CDH8: variants seen among roughly 807,000 people sequenced by gnomAD.
CDH8 encodes cadherin 8, also known as cadherin-8.
In CDH8, 17 loss-of-function variants were observed where a neutral mutation model predicts 68.1. The observed-to-expected ratio is 0.25, with a 90% confidence interval of 0.17 to 0.37. CDH8 has a LOEUF of 0.37. Ranked by LOEUF, CDH8 falls within the 10% of genes least tolerant of loss-of-function variation. The pLI is 1.00. For missense variants in CDH8, 763 were observed against 999.3 expected, an observed-to-expected ratio of 0.76 and a Z score of 3.19; for synonymous variants, 372 against 365.1, an observed-to-expected ratio of 1.02 and a Z score of -0.21.
At chr16:61,726,745 C>T (rs935914350) in intron 9 of CDH8, 13 of 349,950 alleles carry the variant, frequency 3.7e-5, no homozygotes, top group Non-Finnish European at 6.2e-5. Flanking sequence ...CTCCTCTCCA[C>T]GAGGTTTTAC....
rs2142733437 is a variant in CDH8 at position 61,652,922 on chromosome 16, G to A, written c.*686C>T. On this transcript the variant is annotated 3_prime_UTR_variant, in exon 12 of 12. Transcript: ENST00000577390. ...TTCTAGAAAACAAGCATGTTTGAAT[G>A]GGATTTCTCTCCTCCCACCACTGAA... The A allele has an allele frequency of 6.6e-7, 1 of 1,526,716 alleles. No homozygotes were observed. Among genetic ancestry groups the A allele is most frequent in the Non-Finnish European group, 8.8e-7 (1 of 1,142,506 alleles). 94.6% of individuals were successfully genotyped at this position (1,526,716 alleles called of 1,614,324 possible). A position where few individuals can be genotyped will look rare whatever the true frequency, so the allele number is the denominator to read the frequency against.
At chr16:61,767,806 T>C (rs186833906) in intron 8 of CDH8, among the ~76,000 whole-genome samples, 153 of 152,050 alleles carry the variant, frequency 1.0e-3, no homozygotes, top group African/African-American at 3.5e-3. Context: ...ATTTGTTAAG[T>C]TACAATAAAA....
rs564058774 is a variant in CDH8 at position 62,010,276 on chromosome 16, C to T, written c.252+10876G>A. Among the ~76,000 whole-genome samples the T allele has an allele frequency of 3.3e-5, 5 of 152,328 alleles. No homozygotes were observed. The East Asian group carries it at 9.7e-4, about 29-fold the overall frequency. ...TTTACATTCTCATTATGAGACCATA[C>T]CTTTGTTTCCTTCCATAATCTCACT... is the stretch of plus-strand genomic sequence containing the variant. On this transcript the variant is annotated intron_variant, in intron 2 of 11. Coordinates refer to ENST00000577390, the MANE Select transcript of CDH8 (RefSeq NM_001796.5).
At chr16:61,923,426 T>C (rs1964405582) in intron 2 of CDH8, among the ~76,000 whole-genome samples, 1 of 151,984 alleles carries the variant, frequency 6.6e-6, no homozygotes, top group African/African-American at 2.4e-5. Flanking sequence ...TAATAACCAA[T>C]ACAAGTAGCA....
intron 10 of CDH8, among the ~76,000 whole-genome samples, chr16:61,681,308 A>G (rs1964008414): frequency 6.6e-6 from 1 of 151,928 alleles, no homozygotes; most frequent in African/African-American, 2.4e-5. Context: ...TAAACAAAAC[A>G]TAGCCTATCC....
At chr16:61,891,820 A>G (rs570960952) in intron 3 of CDH8, among the ~76,000 whole-genome samples, 22 of 152,312 alleles carry the variant, frequency 1.4e-4, no homozygotes, top group Admixed American at 1.3e-3. Flanking sequence ...TGAATGAAAC[A>G]AGAAAAAATA....
At chr16:61,869,671 T>A (rs528183676) in intron 3 of CDH8, among the ~76,000 whole-genome samples, 1 of 152,168 alleles carries the variant, frequency 6.6e-6, no homozygotes, top group Non-Finnish European at 1.5e-5. Flanking sequence ...TTTTTAAAAT[T>A]TCTTTAAATT....
chr16:61,665,594 A>C (rs1215565404), intron 10 of CDH8, among the ~76,000 whole-genome samples: 1 of 151,962 alleles, frequency 6.6e-6, no homozygotes, highest in Non-Finnish European at 1.5e-5. Flanking sequence ...TGGGTGCAGC[A>C]AACCACCATG....
intron 2 of CDH8, among the ~76,000 whole-genome samples, chr16:61,959,730 A>C (rs1191417420): frequency 1.3e-5 from 2 of 150,834 alleles, no homozygotes; most frequent in Non-Finnish European, 3.0e-5. Context: ...ATATATACAC[A>C]CACATATGTA....
intron 4 of CDH8, among the ~76,000 whole-genome samples, chr16:61,840,635 C>G (rs1319435216): frequency 6.6e-6 from 1 of 152,026 alleles, no homozygotes; most frequent in Non-Finnish European, 1.5e-5. Flanking sequence ...ATGGATGGAG[C>G]CAGAAGACAT....
intron 10 of CDH8, among the ~76,000 whole-genome samples, chr16:61,710,341 A>G (rs1964608314): frequency 6.6e-6 from 1 of 152,134 alleles, no homozygotes; most frequent in Admixed American, 6.6e-5. Flanking sequence ...CTATCAGACA[A>G]TGCATAAATT....
intron 2 of CDH8, among the ~76,000 whole-genome samples, chr16:61,982,904 AAGGAATT>A: frequency 6.6e-6 from 1 of 152,346 alleles, no homozygotes; most frequent in South Asian, 2.1e-4. Context: ...TATTTTTATA[AAGGAATT>A]TATATACTGC....
At chr16:62,027,176 T>A (rs956176795) in intron 1 of CDH8, among the ~76,000 whole-genome samples, 2 of 152,192 alleles carry the variant, frequency 1.3e-5, no homozygotes, top group Non-Finnish European at 1.5e-5. Context: ...GTCTTTAGAA[T>A]TCCCCCATAT....
intron 8 of CDH8, among the ~76,000 whole-genome samples, chr16:61,787,373 A>G (rs1381285103): frequency 6.8e-6 from 1 of 146,502 alleles, no homozygotes; most frequent in East Asian, 2.0e-4. Context: ...GAGAAATGCA[A>G]ATCAAAACCA....
intron 8 of CDH8, among the ~76,000 whole-genome samples, chr16:61,742,399 T>C (rs192506177): frequency 6.6e-6 from 1 of 152,226 alleles, no homozygotes; most frequent in East Asian, 1.9e-4. Flanking sequence ...AAACTAGCAA[T>C]GGTAGACAAC....
At chr16:61,711,153 C>T (rs1272961524) in intron 10 of CDH8, among the ~76,000 whole-genome samples, 1 of 151,832 alleles carries the variant, frequency 6.6e-6, no homozygotes, top group Non-Finnish European at 1.5e-5. Context: ...AATAATTCAA[C>T]TGTGTAGGAG....
intron 10 of CDH8, among the ~76,000 whole-genome samples, chr16:61,710,228 C>T (rs1596887782): frequency 1.3e-5 from 2 of 151,984 alleles, no homozygotes; most frequent in Non-Finnish European, 2.9e-5. Context: ...AAAACTGAGG[C>T]TTAAAATGAT....
At chr16:61,687,411 T>C (rs1321036512) in intron 10 of CDH8, among the ~76,000 whole-genome samples, 3 of 152,010 alleles carry the variant, frequency 2.0e-5, no homozygotes, top group South Asian at 4.1e-4. Flanking sequence ...GAGGCTCAGA[T>C]AGTCTAACTA....
intron 2 of CDH8, among the ~76,000 whole-genome samples, chr16:61,949,660 T>C (rs13338096): frequency 0.44 from 66,598 of 151,534 alleles, 15,331 homozygotes; most frequent in African/African-American, 0.57. Flanking sequence ...ATTAATACCT[T>C]ATAGGATATG....
Sources: allele counts gnomAD v4.1 joint callset (sites outside exome capture counted in the v4.1 genomes callset), GRCh38; gene constraint gnomAD v4.1.1; transcripts MANE v1.5; gene names NCBI Gene and HGNC (gene_info 2026-07-23, HGNC 2026-07-21).